GALNT15: variants seen among roughly 807,000 people sequenced by gnomAD.
GALNT15 encodes the protein UDP-GalNAc transferase T15.
A neutral mutation model predicts 66.8 loss-of-function variants in GALNT15; 67 were observed. That is an observed-to-expected ratio of 1.00 (90% CI 0.82 to 1.23). The LOEUF is 1.23. Among genes scored for constraint, GALNT15 ranks in the 50% most tolerant of loss-of-function variants. The pLI, the probability that GALNT15 is intolerant of heterozygous loss-of-function variation, is 0.00. For missense variants in GALNT15, 827 were observed against 804.3 expected (o/e 1.03, Z -0.34); for synonymous variants, 313 against 311.5 (o/e 1.00, Z -0.05).
intron 2 of GALNT15, among the ~76,000 whole-genome samples, chr3:16,196,658 T>C (rs1220411355): frequency 6.6e-6 from 1 of 152,202 alleles, no homozygotes; most frequent in African/African-American, 2.4e-5. Flanking sequence ...CCAGAGTTTC[T>C]GGTGATGGAG....
At position 16,228,052 on chromosome 3, in the gene GALNT15, A is replaced by C; in HGVS notation, c.*552A>C. The C allele has an allele frequency of 1.0e-6, 1 of 986,894 alleles. No homozygotes were observed. The highest frequency in any genetic ancestry group is 1.7e-5 in the African/African-American group (1 of 57,384). 61.1% of individuals were successfully genotyped at this position (986,894 alleles called of 1,614,324 possible). ...AAAGGGAGCTACAGAAAGGAGGTTT[A>C]GGATTGCAGAGAAGATGCAAGAGCA... On this transcript the variant is annotated 3_prime_UTR_variant, in exon 10 of 10. Coordinates refer to ENST00000339732, the MANE Select transcript of GALNT15 (RefSeq NM_054110.5).
At chr3:16,239,459 A>G in the GALNT15 span, among the ~76,000 whole-genome samples, 1 of 152,136 alleles carries the variant, frequency 6.6e-6, no homozygotes, top group Non-Finnish European at 1.5e-5. The surrounding 1 kb of genome is among the most constrained non-coding windows in gnomAD (Gnocchi z 5.2). Context: ...GACCTATAAA[A>G]TCCTGTGCTC....
downstream of GALNT15, among the ~76,000 whole-genome samples, chr3:16,236,425 C>T (rs1208995559): frequency 6.6e-6 from 1 of 152,214 alleles, no homozygotes; most frequent in Admixed American, 6.5e-5. Flanking sequence ...CAACAAATGA[C>T]CATGGCTGTA....
Position 16,195,193 on chromosome 3 carries a change from G to T in GALNT15, c.540-567G>T, listed in dbSNP as rs760161519. Reference sequence around the variant, plus strand: ...TGATCTTCCCAGAAGGCCAGGAGGGGTGTCCCTAGGTCATTTAGTTGTGCC... The same window carrying T: ...TGATCTTCCCAGAAGGCCAGGAGGGTTGTCCCTAGGTCATTTAGTTGTGCC... On this transcript the variant is annotated intron_variant, in intron 1 of 9. Coordinates refer to ENST00000339732, the MANE Select transcript of GALNT15 (RefSeq NM_054110.5). The surrounding 1 kb of genome is among the most constrained non-coding windows in gnomAD (Gnocchi z 4.6). Among the ~76,000 whole-genome samples the T allele has an allele frequency of 6.6e-6, 1 of 152,184 alleles. No homozygotes were observed. The highest frequency in any genetic ancestry group is 1.5e-5 in the Non-Finnish European group (1 of 68,026).
rs958732419 is a variant in GALNT15, at chr3:16,200,569, A to G, written c.707-50A>G. The G allele has an allele frequency of 3.6e-6, 5 of 1,383,794 alleles. No homozygotes were observed. Among genetic ancestry groups the G allele is most frequent in the African/African-American group, 2.9e-5 (2 of 67,896 alleles). The allele number at this position is 1,383,794 out of a possible 1,614,324, so 85.7% of individuals were successfully genotyped here. ...TGACGATTGTCTTAGTCACAATCTC[A>G]TCGGTTGTGGCATTTGTCATTCCAC... is the stretch of plus-strand genomic sequence containing the variant. On this transcript the variant is annotated intron_variant, in intron 2 of 9. Coordinates refer to ENST00000339732, the MANE Select transcript of GALNT15 (RefSeq NM_054110.5). The surrounding 1 kb of genome is among the most constrained non-coding windows in gnomAD (Gnocchi z 4.4).
chr3:16,246,304 T>C, the GALNT15 span, among the ~76,000 whole-genome samples: 119 of 148,388 alleles, frequency 8.0e-4, no homozygotes, highest in African/African-American at 2.8e-3. Flanking sequence ...GGGACAAACA[T>C]ACATGTTTTG....
intron 3 of GALNT15, among the ~76,000 whole-genome samples, chr3:16,201,164 T>TTTTTTC (rs59395998): frequency 1.7e-4 from 26 of 148,890 alleles, no homozygotes; most frequent in Non-Finnish European, 2.7e-4. Flanking sequence ...TTGGCAATTT[T>TTTTTTC]TTTTTCTTTT....
rs56306167 is a variant in GALNT15, at chr3:16,203,520, TTCTCTCTCTC to T, written c.911+2712_911+2721del. On this transcript the variant is annotated intron_variant, in intron 3 of 9. Coordinates refer to ENST00000339732, the MANE Select transcript of GALNT15 (RefSeq NM_054110.5). The surrounding 1 kb of genome is among the most constrained non-coding windows in gnomAD (Gnocchi z 6.2). ...TCTCTCTCTGTCTCTTGGTCACTCA[TTCTCTCTCTC>T]TCTCTCTCTCTCTCACACACACACA... is the stretch of plus-strand genomic sequence containing the variant. Among the ~76,000 whole-genome samples, 1,701 of 114,322 alleles carry T rather than the reference TTCTCTCTCTC, an allele frequency of 0.015. 23 individuals carry two copies. Among genetic ancestry groups the T allele is most frequent in the African/African-American group, 0.036 (981 of 27,138 alleles). 75.0% of individuals were successfully genotyped at this position (114,322 alleles called of 152,430 possible). A position where few individuals can be genotyped will look rare whatever the true frequency, so the allele number is the denominator to read the frequency against.
intron 3 of GALNT15, among the ~76,000 whole-genome samples, chr3:16,202,145 C>T (rs996662474): frequency 1.8e-4 from 27 of 152,200 alleles, no homozygotes; most frequent in African/African-American, 5.8e-4. Flanking sequence ...TGGTTTCAAA[C>T]GTTCAAATGA....
rs538206821 is a variant in GALNT15, at chr3:16,180,054, T to A, written c.539+4364T>A. Among the ~76,000 whole-genome samples the A allele has an allele frequency of 1.3e-3, 202 of 152,316 alleles. 1 individual carries two copies. Among genetic ancestry groups the A allele is most frequent in the African/African-American group, 4.8e-3 (198 of 41,572 alleles). ...GAGGCTGCTGTGTGAGCCAGTGCTT[T>A]GTAATCTACATCTACGGCTGAACTT... On this transcript the variant is annotated intron_variant, in intron 1 of 9. Coordinates refer to ENST00000339732, the MANE Select transcript of GALNT15 (RefSeq NM_054110.5). This position sits in a 1 kb window ranked among gnomAD's most constrained non-coding sequence, Gnocchi z 5.0.
At position 16,199,241 on chromosome 3, in the gene GALNT15, C is replaced by T. The variant is rs1012163907; in HGVS notation, c.707-1378C>T. ...ACACACATGCACTCACACACACAAT[C>T]AAGTTATTCTTATCTTAAACACAAA... On this transcript the variant is annotated intron_variant, in intron 2 of 9. Transcript: ENST00000339732. Among the ~76,000 whole-genome samples, 3 of 141,050 alleles carry T rather than the reference C, an allele frequency of 2.1e-5. No homozygotes were observed. In the Admixed American group the frequency reaches 2.2e-4, roughly 10 times the overall value. 92.5% of individuals were successfully genotyped at this position (141,050 alleles called of 152,430 possible).
chr3:16,212,711 C>T lies in GALNT15; in HGVS notation c.1340C>T (p.Ser447Leu). The part of the protein sequence containing the change: ...RVRIAETWLG[S>L]FKETFYKHSP... ...CGCATTGCTGAGACCTGGCTGGGGT[C>T]ATTCAAAGAAACCTTCTACAAGCAT... The change falls in exon 6 of 10, where the codon TCA (serine) becomes TTA (leucine). Residue 447 changes from serine (S) to leucine (L), a missense_variant. Coordinates refer to ENST00000339732, the MANE Select transcript of GALNT15 (RefSeq NM_054110.5). 6.2e-7 allele frequency: 1 copy of T among 1,613,982 alleles called. No homozygotes were observed. Among genetic ancestry groups the T allele is most frequent in the Non-Finnish European group, 8.5e-7 (1 of 1,180,030 alleles).
At chr3:16,232,997 C>T (rs2064098509), downstream of GALNT15, among the ~76,000 whole-genome samples, 2 of 151,566 alleles carry the variant, frequency 1.3e-5, no homozygotes, top group African/African-American at 2.4e-5. Context: ...AAAATCCTCA[C>T]TGGATGAGTT....
rs1279271926 is a variant in GALNT15 at position 16,189,187 on chromosome 3, G to C, written c.540-6573G>C. On this transcript the variant is annotated intron_variant, in intron 1 of 9. Coordinates refer to ENST00000339732, the MANE Select transcript of GALNT15 (RefSeq NM_054110.5). The surrounding 1 kb of genome is among the most constrained non-coding windows in gnomAD (Gnocchi z 5.1). ...AATCACAGGAAACATTTTGCTGTTA[G>C]GCCAGGGTTCTAGGGAGATTAGGTC... Among the ~76,000 whole-genome samples the C allele has an allele frequency of 6.6e-6, 1 of 152,190 alleles. No individual in the cohort carries two copies. The highest frequency in any genetic ancestry group is 1.5e-5 in the Non-Finnish European group (1 of 68,036).
At position 16,175,324 on chromosome 3, in the gene GALNT15, G is replaced by A. The variant is rs1340030003; in HGVS notation, c.173G>A (p.Arg58His). Residue 58 changes from arginine (R) to histidine (H), a missense_variant, in exon 1 of 10, where the codon CGC (arginine) becomes CAC (histidine). Arg to His is a conservative substitution (Grantham distance 29, BLOSUM62 0). Coordinates refer to ENST00000339732, the MANE Select transcript of GALNT15 (RefSeq NM_054110.5). The surrounding 1 kb of genome is among the most constrained non-coding windows in gnomAD (Gnocchi z 5.6). ...AAGCACAGCCCTGAAGCCAGGTACCGCCTGGACTTTGGGGAATCCCAGGAT... is the reference window on the plus strand; with the variant it reads ...AAGCACAGCCCTGAAGCCAGGTACCACCTGGACTTTGGGGAATCCCAGGAT... The part of the protein sequence containing the change: ...ASKHSPEARY[R>H]LDFGESQDWV... The A allele has an allele frequency of 1.2e-5, 20 of 1,614,186 alleles. No individual in the cohort carries two copies. Among genetic ancestry groups the A allele is most frequent in the Admixed American group, 3.3e-5 (2 of 60,024 alleles).
chr3:16,187,705 G>A lies in GALNT15; in HGVS notation c.540-8055G>A, dbSNP rs574737053. 9.9e-4 allele frequency among the ~76,000 whole-genome samples: 151 copies of A among 152,264 alleles called. 2 individuals are homozygous for A. In the South Asian group the frequency reaches 0.031, roughly 31 times the overall value. On this transcript the variant is annotated intron_variant, in intron 1 of 9. Transcript: ENST00000339732. This position sits in a 1 kb window ranked among gnomAD's most constrained non-coding sequence, Gnocchi z 5.1. ...GCTGACTCACATTATAAAGAAACAC[G>A]ATGAACAGATATGTTGTGACCATCT... is the stretch of plus-strand genomic sequence containing the variant.
rs1485083379 is a variant in GALNT15, at chr3:16,201,251, G to A, written c.911+428G>A. 4.6e-5 allele frequency among the ~76,000 whole-genome samples: 7 copies of A among 151,962 alleles called. No homozygotes were observed. In the South Asian group the frequency reaches 1.2e-3, roughly 27 times the overall value. On this transcript the variant is annotated intron_variant, in intron 3 of 9. Coordinates refer to ENST00000339732, the MANE Select transcript of GALNT15 (RefSeq NM_054110.5). ...GGCTGGAGTGCAGCGGGGCGATCTC[G>A]GCTCACTGCAAGCTGCGCCTCCCGG...
At chr3:16,235,071 T>C (rs2064118285), downstream of GALNT15, among the ~76,000 whole-genome samples, 1 of 152,098 alleles carries the variant, frequency 6.6e-6, no homozygotes, top group Admixed American at 6.6e-5. Context: ...TACAGGCACC[T>C]GCCACCATGC....
At chr3:16,198,301 G>A (rs2174510) in intron 2 of GALNT15, among the ~76,000 whole-genome samples, 85,795 of 140,106 alleles carry the variant, frequency 0.61, 31,518 homozygotes, top group East Asian at 0.74. Flanking sequence ...TTCAAATAGG[G>A]AAAAGGCGAA....
Sources: allele counts gnomAD v4.1 joint callset (sites outside exome capture counted in the v4.1 genomes callset), GRCh38; gene constraint gnomAD v4.1.1; non-coding constraint Gnocchi (gnomAD v3.1); transcripts MANE v1.5; gene names NCBI Gene and HGNC (gene_info 2026-07-23, HGNC 2026-07-21).